The following ANKRD50 variants were observed in gnomAD, a reference collection of about 807,000 sequenced individuals.
ANKRD50 encodes the protein ankyrin repeat domain-containing protein 50.
Under a neutral mutation model 112.0 loss-of-function variants are expected in ANKRD50, and 40 were observed. The ratio of observed to expected loss-of-function variants is 0.36; its 90% CI spans 0.28 to 0.46. The LOEUF is 0.46. Ranked by LOEUF, ANKRD50 falls within the 20% of genes least tolerant of loss-of-function variation. The probability of loss-of-function intolerance (pLI) is 1.00; values close to 1 mark genes in which losing one functional copy is unlikely to be tolerated. For synonymous variants in ANKRD50, 613 were observed against 619.1 expected (o/e 0.99, Z 0.15); for missense variants, 1,487 against 1,701.7 (o/e 0.87, Z 2.22).
At chr4:124,683,904 C>CTTTTTT (rs5861676) in intron 2 of ANKRD50, among the ~76,000 whole-genome samples, 1 of 111,790 alleles carries the variant, frequency 8.9e-6, no homozygotes. Context: ...ATACATCAGT[C>CTTTTTT]TTTTTTTTTT....
intron 2 of ANKRD50, among the ~76,000 whole-genome samples, chr4:124,704,960 G>C (rs1725471225): frequency 6.6e-6 from 1 of 152,086 alleles, no homozygotes; most frequent in Admixed American, 6.5e-5. Flanking sequence ...TGGGTGTGGT[G>C]GTGGGTGCCT....
Position 124,669,963 on chromosome 4 carries a change from A to C in ANKRD50, c.3314T>G (p.Leu1105Trp). 6.2e-7 allele frequency: 1 copy of C among 1,611,938 alleles called. No homozygotes were observed. Among genetic ancestry groups the C allele is most frequent in the Non-Finnish European group, 8.5e-7 (1 of 1,179,522 alleles). The change falls in exon 4 of 5, where the codon TTG (leucine) becomes TGG (tryptophan). Residue 1105 changes from leucine to tryptophan, a missense_variant. Physicochemically the swap from Leu to Trp is moderately conservative, Grantham distance 61 (BLOSUM62 -2). Coordinates refer to ENST00000504087, the MANE Select transcript of ANKRD50 (RefSeq NM_020337.3). Reference sequence around the variant, plus strand: ...AACAGGAGATGGGGAACAGCCATTCAAACTAGATGCACCATATTTTTCTAA... The same window carrying C: ...AACAGGAGATGGGGAACAGCCATTCCAACTAGATGCACCATATTTTTCTAA... ...KLLEKYGASS[L>W]NGCSPSPVHT...
chr4:124,704,322 T>C (rs567706415), intron 2 of ANKRD50, among the ~76,000 whole-genome samples: 1 of 152,364 alleles, frequency 6.6e-6, no homozygotes, highest in South Asian at 2.1e-4. Context: ...ATATTTTGCC[T>C]TGAAAACATA....
In ANKRD50 at chr4:124,665,395, C is replaced by G. The variant is rs923387706; in HGVS notation, c.*2123G>C. On this transcript the variant is annotated 3_prime_UTR_variant, in exon 5 of 5. Coordinates refer to ENST00000504087, the MANE Select transcript of ANKRD50 (RefSeq NM_020337.3). Reference sequence around the variant, plus strand: ...CCTTATGCAATGTCATATCTTCGCCCTTTGGACACAAGGTGCAATTTTGTA... The same window carrying G: ...CCTTATGCAATGTCATATCTTCGCCGTTTGGACACAAGGTGCAATTTTGTA... 9.9e-5 allele frequency: 15 copies of G among 152,202 alleles called. No individual in the cohort carries two copies. Among genetic ancestry groups the G allele is most frequent in the Admixed American group, 7.2e-4 (11 of 15,200 alleles). 9.4% of individuals were successfully genotyped at this position (152,202 alleles called of 1,614,324 possible).
intron 2 of ANKRD50, among the ~76,000 whole-genome samples, chr4:124,687,247 G>A (rs1395941403): frequency 6.6e-6 from 1 of 152,084 alleles, no homozygotes; most frequent in Non-Finnish European, 1.5e-5. Flanking sequence ...AATTGAGAAA[G>A]GCAGGTTTTT....
intron 2 of ANKRD50, among the ~76,000 whole-genome samples, chr4:124,699,757 C>G (rs1212116993): frequency 6.7e-6 from 1 of 149,972 alleles, no homozygotes; most frequent in Non-Finnish European, 1.5e-5. Context: ...ACTATATAAT[C>G]TACATATATA....
chr4:124,678,977 T>C (rs1028731373), intron 2 of ANKRD50, 72 bp from the exon 3 acceptor site: 1 of 1,094,652 alleles, frequency 9.1e-7, no homozygotes, highest in East Asian at 2.5e-5. Flanking sequence ...ATTCAAACAT[T>C]AGAGTATTAA....
Position 124,704,149 on chromosome 4 carries a change from T to C in ANKRD50, c.512+5851A>G, listed in dbSNP as rs529120975. On this transcript the variant is annotated intron_variant, in intron 2 of 4. Transcript: ENST00000504087. ...TGATCTTTAGACTAAAAGACAAACA[T>C]GTAAAGTTTTGATTATGAAATTATA... Among the ~76,000 whole-genome samples the C allele has an allele frequency of 2.0e-5, 3 of 152,192 alleles. No homozygotes were observed. In the East Asian group the frequency reaches 5.8e-4, roughly 29 times the overall value.
chr4:124,705,535 A>G (rs1213341253), intron 2 of ANKRD50, among the ~76,000 whole-genome samples: 1 of 152,216 alleles, frequency 6.6e-6, no homozygotes, highest in Non-Finnish European at 1.5e-5. Context: ...AATGACATAC[A>G]CTAAGAACAA....
intron 2 of ANKRD50, among the ~76,000 whole-genome samples, chr4:124,695,187 CA>C (rs1725226493): frequency 6.6e-6 from 1 of 152,004 alleles, no homozygotes; most frequent in Non-Finnish European, 1.5e-5. Flanking sequence ...GAATACATTA[CA>C]AAATTTACAT....
In ANKRD50 at chr4:124,665,581, GT is replaced by G. The variant is rs1279969188; in HGVS notation, c.*1936del. ...GTACTGTATTTGAGATATGAGTAAA[GT>G]TGGTTCTAATAATAGTATGTGTTCA... On this transcript the variant is annotated 3_prime_UTR_variant, in exon 5 of 5. Coordinates refer to ENST00000504087, the MANE Select transcript of ANKRD50 (RefSeq NM_020337.3). 2 of 152,278 alleles carry G rather than the reference GT, an allele frequency of 1.3e-5. No homozygotes were observed. The highest frequency in any genetic ancestry group is 4.8e-5 in the African/African-American group (2 of 41,416). 9.4% of individuals were successfully genotyped at this position (152,278 alleles called of 1,614,324 possible). A position where few individuals can be genotyped will look rare whatever the true frequency, so the allele number is the denominator to read the frequency against.
rs1463474013 is a variant in ANKRD50 at position 124,669,679 on chromosome 4, T to C, written c.3598A>G (p.Thr1200Ala). Reference sequence around the variant, plus strand: ...CTATCAATTGGCACTGTTTGAGCCGTTGCTGTAGATGAAGTAGTTCTCAAA... The same window carrying C: ...CTATCAATTGGCACTGTTTGAGCCGCTGCTGTAGATGAAGTAGTTCTCAAA... The part of the protein sequence containing the change: ...SSLRTTSSTA[T>A]AQTVPIDSFH... Residue 1200 changes from threonine (T) to alanine (A), a missense_variant, in exon 4 of 5, where the codon ACG becomes GCG. Around this residue, in one of 2 missense-constraint regions of ANKRD50, gnomAD observed 441 missense variants for 432.2 expected, o/e 1.02. Transcript: ENST00000504087. 2 of 1,612,854 alleles carry C rather than the reference T, an allele frequency of 1.2e-6. No individual in the cohort carries two copies. Among genetic ancestry groups the C allele is most frequent in the Admixed American group, 1.7e-5 (1 of 59,722 alleles).
intron 2 of ANKRD50, among the ~76,000 whole-genome samples, chr4:124,690,979 A>G (rs1725122869): frequency 6.6e-6 from 1 of 152,232 alleles, no homozygotes; most frequent in Non-Finnish European, 1.5e-5. Context: ...AATAAATATA[A>G]TGTATTCTCT....
chr4:124,694,212 A>G (rs1389646395), intron 2 of ANKRD50, among the ~76,000 whole-genome samples: 1 of 152,176 alleles, frequency 6.6e-6, no homozygotes, highest in Non-Finnish European at 1.5e-5. Context: ...AGTAAGTAAA[A>G]TTGATAATTA....
chr4:124,669,092 C>G lies in ANKRD50; in HGVS notation c.4185G>C (p.Glu1395Asp), dbSNP rs2110506076. ...MQDRGHQEVL[E>D]GYPSSETELS... is the part of the protein sequence containing the mutation. ...ATTCTGTCTCTGAGGAAGGGTATCCCTCCAACACTTCCTGATGCCCTCTAT... is the reference window on the plus strand; with the variant it reads ...ATTCTGTCTCTGAGGAAGGGTATCCGTCCAACACTTCCTGATGCCCTCTAT... Residue 1395 changes from glutamate (E) to aspartate (D), a missense_variant, in exon 4 of 5, where the codon GAG becomes GAC. Glu to Asp is a conservative substitution (Grantham distance 45). Coordinates refer to ENST00000504087, the MANE Select transcript of ANKRD50 (RefSeq NM_020337.3). 1 of 1,613,568 alleles carries G rather than the reference C, an allele frequency of 6.2e-7. No individual in the cohort carries two copies. Among genetic ancestry groups the G allele is most frequent in the East Asian group, 2.2e-5 (1 of 44,856 alleles).
chr4:124,675,367 G>A (rs1285046924), intron 3 of ANKRD50, among the ~76,000 whole-genome samples: 1 of 151,516 alleles, frequency 6.6e-6, no homozygotes, highest in African/African-American at 2.4e-5. Flanking sequence ...GAACATATGA[G>A]GATAAGCAAT....
At chr4:124,701,577 A>G (rs1315724765) in intron 2 of ANKRD50, among the ~76,000 whole-genome samples, 1 of 152,248 alleles carries the variant, frequency 6.6e-6, no homozygotes. Context: ...TTAGGTTAGC[A>G]TAATAGATAC....
In ANKRD50 at chr4:124,710,138, C is replaced by T; in HGVS notation, c.374G>A (p.Gly125Glu). ...CTGGGCTACTAGACCTCTAATAAAC[C>T]CTCCAACACACAAAGTATCAGAGTC... Reference protein sequence around the residue: ...AQDSDTLCVGGFIRGLVAQIC... With the variant: ...AQDSDTLCVGEFIRGLVAQIC... The change falls in exon 2 of 5, where the codon GGG becomes GAG. Residue 125 changes from glycine (G) to glutamate (E), a missense_variant. By Grantham distance (98) the Gly-to-Glu change is moderately conservative (BLOSUM62 -2). Coordinates refer to ENST00000504087, the MANE Select transcript of ANKRD50 (RefSeq NM_020337.3). 1 of 1,614,184 alleles carries T rather than the reference C, an allele frequency of 6.2e-7. No individual in the cohort carries two copies. The highest frequency in any genetic ancestry group is 2.2e-5 in the East Asian group (1 of 44,884).
chr4:124,711,541 G>C (rs895053939), intron 1 of ANKRD50, among the ~76,000 whole-genome samples: 4 of 152,060 alleles, frequency 2.6e-5, no homozygotes, highest in Non-Finnish European at 5.9e-5. Flanking sequence ...AGCAAAGGAG[G>C]GGGGGAGAAA....
Sources: gnomAD v4.1 joint callset for allele counts (sites outside exome capture counted in the v4.1 genomes callset) on GRCh38, gnomAD v4.1.1 for gene constraint, gnomAD v4.1.1 regional missense constraint, MANE v1.5 for transcripts, NCBI Gene and HGNC (gene_info 2026-07-23, HGNC 2026-07-21) for gene names.